The following TRMT2B variants were observed in gnomAD, a reference collection of about 807,000 sequenced individuals.
The protein encoded by TRMT2B is tRNA methyltransferase 2B, also known as tRNA (uracil-5-)-methyltransferase homolog B.
In TRMT2B, 34 loss-of-function variants were observed where a neutral mutation model predicts 39.7. The ratio of observed to expected loss-of-function variants is 0.86; its 90% CI spans 0.65 to 1.14. The LOEUF is 1.14. Ranked by LOEUF, TRMT2B falls within the 50% of genes most tolerant of loss-of-function variation. TRMT2B has a pLI of 0.00. For synonymous variants in TRMT2B, 132 were observed against 137.3 expected, an observed-to-expected ratio of 0.96 and a Z score of 0.27; for missense variants, 318 against 377.2, an observed-to-expected ratio of 0.84 and a Z score of 1.30.
At chrX:101,041,287 G>A (rs1433811593) in intron 4 of TRMT2B, 30 bp downstream of exon 4, 1 of 1,187,434 alleles carries the variant, frequency 8.4e-7, no homozygotes, top group Non-Finnish European at 1.1e-6. Context: ...TCCTGGAAAG[G>A]AGGGGTAAAG....
rs2087737781 is a variant in TRMT2B, at chrX:101,034,850, G to T, written c.609+763C>A. 4.5e-5 allele frequency among the ~76,000 whole-genome samples: 5 copies of T among 110,734 alleles called. No individual in the cohort carries two copies. In the Admixed American group the frequency reaches 4.9e-4, roughly 11 times the overall value. On this transcript the variant is annotated intron_variant, in intron 7 of 13. Transcript: ENST00000372936. ...AGTTCAAGACCAGACTGGCCAACAT[G>T]GTGAAAACCCATCTCTACTAAAAAT... is the stretch of plus-strand genomic sequence containing the variant.
the TRMT2B span, chrX:100,990,538 T>C: frequency 8.9e-7 from 1 of 1,125,076 alleles, no homozygotes; most frequent in Admixed American, 3.1e-5. Flanking sequence ...GAACCCCTGT[T>C]GTTCCTGTAT....
chrX:101,022,013 C>T lies in TRMT2B; in HGVS notation c.806G>A (p.Gly269Asp), dbSNP rs2086826987. ...KEIVKEFFIR[G>D]PGAACGLTSL... ...GGTCAAGCCACAGGCTGCTCCAGGA[C>T]CTCTGATGAAAAATTCCTTTACAAT... is the stretch of plus-strand genomic sequence containing the variant. Residue 269 changes from glycine to aspartate, a missense_variant, in exon 9 of 14, where the codon GGT (glycine) becomes GAT (aspartate). By Grantham distance (94) the Gly-to-Asp change is moderately conservative (BLOSUM62 -1). Transcript: ENST00000372936. The T allele has an allele frequency of 3.3e-6, 4 of 1,209,733 alleles. No homozygotes were observed. The highest frequency in any genetic ancestry group is 4.5e-6 in the Non-Finnish European group (4 of 894,774).
intron 7 of TRMT2B, among the ~76,000 whole-genome samples, chrX:101,031,534 C>T (rs748821493): frequency 9.0e-6 from 1 of 110,840 alleles, no homozygotes; most frequent in Non-Finnish European, 1.9e-5. Flanking sequence ...ATGGCAAAAC[C>T]CCATCTCTAT....
the TRMT2B span, among the ~76,000 whole-genome samples, chrX:100,973,470 C>G: frequency 9.2e-6 from 1 of 108,961 alleles, no homozygotes; most frequent in South Asian, 4.1e-4. Context: ...GCTCCGCTGC[C>G]CGCTGAACTC....
chrX:101,050,416 T>A (rs1343197215), intron 2 of TRMT2B, among the ~76,000 whole-genome samples: 2 of 112,704 alleles, frequency 1.8e-5, no homozygotes, highest in Non-Finnish European at 3.7e-5. Context: ...CTTTTTATAT[T>A]TTGTCCTGTT....
intron 7 of TRMT2B, among the ~76,000 whole-genome samples, chrX:101,025,260 C>T (rs2087007140): frequency 9.0e-6 from 1 of 111,560 alleles, no homozygotes; most frequent in African/African-American, 3.3e-5. Context: ...TTTTAATGTC[C>T]TGATATAAGC....
chrX:101,003,966 G>A, the TRMT2B span, among the ~76,000 whole-genome samples: 1 of 110,261 alleles, frequency 9.1e-6, no homozygotes, highest in African/African-American at 3.3e-5. Flanking sequence ...AAGTACCTGG[G>A]ACTACAGACA....
rs984320632 is a variant in TRMT2B, at chrX:101,051,629, T to C, written c.-402A>G. On this transcript the variant is annotated 5_prime_UTR_variant, in exon 2 of 14. Coordinates refer to ENST00000372936, the MANE Select transcript of TRMT2B (RefSeq NM_024917.6). ...GAGGAGTTAGGGCACAGGCCCACGCTGGGCCGTACACGACCTTGCGCAGTC... is the reference window on the plus strand; with the variant it reads ...GAGGAGTTAGGGCACAGGCCCACGCCGGGCCGTACACGACCTTGCGCAGTC... The C allele has an allele frequency of 1.9e-4, 145 of 753,509 alleles. No individual in the cohort carries two copies. The highest frequency in any genetic ancestry group is 2.2e-4 in the Non-Finnish European group (140 of 639,323). 62.1% of individuals were successfully genotyped at this position (753,509 alleles called of 1,213,427 possible). A position where few individuals can be genotyped will look rare whatever the true frequency, so the allele number is the denominator to read the frequency against.
At chrX:101,017,065 G>A (rs140392874) in intron 13 of TRMT2B, among the ~76,000 whole-genome samples, 1,163 of 108,971 alleles carry the variant, frequency 0.011, 12 homozygotes, top group African/African-American at 0.037. Flanking sequence ...CCAGCTACTC[G>A]GGAGGCTGAG....
At chrX:101,022,580 C>T (rs1244421294) in intron 8 of TRMT2B, among the ~76,000 whole-genome samples, 6 of 105,429 alleles carry the variant, frequency 5.7e-5, no homozygotes, top group Admixed American at 2.1e-4. Context: ...GAGATCATGC[C>T]ATTGCACTCC....
intron 2 of TRMT2B, among the ~76,000 whole-genome samples, chrX:101,045,725 T>C (rs953912499): frequency 9.2e-6 from 1 of 109,257 alleles, no homozygotes; most frequent in African/African-American, 3.3e-5. Context: ...TTGAACCCAG[T>C]AGGTAGAGGT....
chrX:100,976,179 A>G, the TRMT2B span, among the ~76,000 whole-genome samples: 1 of 109,124 alleles, frequency 9.2e-6, no homozygotes, highest in Non-Finnish European at 1.9e-5. Context: ...CCCCAACTCA[A>G]CCTCATCCCT....
the TRMT2B span, among the ~76,000 whole-genome samples, chrX:100,996,367 G>A: frequency 1.8e-5 from 2 of 111,887 alleles, no homozygotes; most frequent in Non-Finnish European, 3.8e-5. Flanking sequence ...GCACAGTAGG[G>A]TGACTATAGT....
the TRMT2B span, among the ~76,000 whole-genome samples, chrX:100,994,701 C>A: frequency 8.9e-6 from 1 of 111,766 alleles, no homozygotes; most frequent in Non-Finnish European, 1.9e-5. Flanking sequence ...GCATGGAAAC[C>A]AGTAGTAGCT....
chrX:100,993,354 C>T, the TRMT2B span, among the ~76,000 whole-genome samples: 2 of 112,140 alleles, frequency 1.8e-5, no homozygotes, highest in Non-Finnish European at 3.8e-5. Context: ...TGATAAATAT[C>T]GCTGGAGAAT....
the TRMT2B span, chrX:100,987,354 T>A: frequency 1.3e-5 from 15 of 1,197,738 alleles, no homozygotes; most frequent in East Asian, 4.2e-4. Context: ...GGTCCCAGGC[T>A]CCAGGTCTGC....
chrX:101,036,495 CTGAAAG>C (rs756555263), intron 6 of TRMT2B, among the ~76,000 whole-genome samples: 18 of 99,048 alleles, frequency 1.8e-4, no homozygotes, highest in African/African-American at 6.3e-4. Flanking sequence ...GAAGGGATAA[CTGAAAG>C]TAAGTTTCAG....
the TRMT2B span, among the ~76,000 whole-genome samples, chrX:100,975,379 C>T: frequency 1.8e-5 from 2 of 111,756 alleles, no homozygotes; most frequent in African/African-American, 6.5e-5. Flanking sequence ...CCTATCAGTG[C>T]CCTCCTTCCT....
Sources: allele counts gnomAD v4.1 joint callset (sites outside exome capture counted in the v4.1 genomes callset), GRCh38; gene constraint gnomAD v4.1.1; transcripts MANE v1.5; gene names NCBI Gene and HGNC (gene_info 2026-07-23, HGNC 2026-07-21).